Variants in SLC35F4 observed in about 807,000 individuals in gnomAD.
SLC35F4 encodes solute carrier family 35 member F4.
In SLC35F4, 24 loss-of-function variants were observed where a neutral mutation model predicts 44.2. The ratio of observed to expected loss-of-function variants is 0.54; its 90% CI spans 0.39 to 0.76. The LOEUF is 0.76. Among genes scored for constraint, SLC35F4 ranks in the 30% least tolerant of loss-of-function variants. The pLI is 0.00. For missense variants in SLC35F4, 562 were observed against 586.1 expected (o/e 0.96, Z 0.42); for synonymous variants, 238 against 223.6 (o/e 1.06, Z -0.57).
intron 1 of SLC35F4, among the ~76,000 whole-genome samples, chr14:57,872,125 C>T (rs1888307221): frequency 6.6e-6 from 1 of 152,174 alleles, no homozygotes; most frequent in South Asian, 2.1e-4. Flanking sequence ...CTCCAGAATA[C>T]ACGTTCAATA....
downstream of SLC35F4, among the ~76,000 whole-genome samples, chr14:57,972,402 T>C (rs559339473): frequency 1.4e-4 from 22 of 151,956 alleles, no homozygotes; most frequent in African/African-American, 5.1e-4. Flanking sequence ...GGACAAATAA[T>C]GTGACAGAAG....
At chr14:57,958,555 A>G (rs1030529356) in intron 1 of SLC35F4, among the ~76,000 whole-genome samples, 2 of 150,834 alleles carry the variant, frequency 1.3e-5, no homozygotes, top group African/African-American at 2.5e-5. Flanking sequence ...TAGGGGTTGA[A>G]AGTGTTCTAG....
chr14:57,693,988 C>G (rs1483656251), intron 1 of SLC35F4, among the ~76,000 whole-genome samples: 2 of 152,172 alleles, frequency 1.3e-5, no homozygotes, highest in Non-Finnish European at 2.9e-5. Flanking sequence ...CCCAGTTCAA[C>G]TCCTTCATTT....
chr14:57,786,284 G>A (rs778889265), intron 1 of SLC35F4, among the ~76,000 whole-genome samples: 1 of 152,086 alleles, frequency 6.6e-6, no homozygotes, highest in Non-Finnish European at 1.5e-5. Flanking sequence ...GAGTGTCTGA[G>A]CTCAGATATG....
intron 1 of SLC35F4, among the ~76,000 whole-genome samples, chr14:57,736,909 A>G (rs765912374): frequency 1.2e-4 from 18 of 152,164 alleles, no homozygotes; most frequent in Non-Finnish European, 2.2e-4. Context: ...ATTTGGTTTC[A>G]TAGCCATCAT....
chr14:57,853,062 T>C (rs910912232), intron 1 of SLC35F4, among the ~76,000 whole-genome samples: 1 of 152,204 alleles, frequency 6.6e-6, no homozygotes, highest in East Asian at 1.9e-4. Context: ...CCTCAATTAC[T>C]GTACATTGAA....
intron 1 of SLC35F4, among the ~76,000 whole-genome samples, chr14:57,931,294 T>A (rs969065520): frequency 2.6e-5 from 4 of 152,232 alleles, no homozygotes; most frequent in Non-Finnish European, 5.9e-5. Context: ...AATTTTCCAG[T>A]GCCTTTATCC....
chr14:57,839,913 C>T (rs1034212592), intron 1 of SLC35F4, among the ~76,000 whole-genome samples: 5 of 152,078 alleles, frequency 3.3e-5, no homozygotes, highest in Admixed American at 1.3e-4. Flanking sequence ...GTCCAAAACA[C>T]GCCCCAGACT....
At chr14:57,801,874 C>T (rs2140856842) in intron 1 of SLC35F4, among the ~76,000 whole-genome samples, 1 of 152,192 alleles carries the variant, frequency 6.6e-6, no homozygotes, top group Admixed American at 6.5e-5. Context: ...GACTCCCACG[C>T]AATAATAGTG....
At chr14:57,810,637 T>C (rs1881856758) in intron 1 of SLC35F4, among the ~76,000 whole-genome samples, 1 of 152,226 alleles carries the variant, frequency 6.6e-6, no homozygotes, top group African/African-American at 2.4e-5. Context: ...GCTCTCAAGA[T>C]TGTCCATAGT....
intron 1 of SLC35F4, among the ~76,000 whole-genome samples, chr14:57,778,984 G>T (rs961221433): frequency 2.6e-5 from 4 of 152,048 alleles, no homozygotes; most frequent in Admixed American, 2.0e-4. Context: ...TGTTAAGAGG[G>T]AAATTTATAG....
chr14:57,940,535 C>T (rs928132636), intron 1 of SLC35F4, among the ~76,000 whole-genome samples: 5 of 152,156 alleles, frequency 3.3e-5, no homozygotes, highest in Non-Finnish European at 5.9e-5. Flanking sequence ...TAGAGGTCCC[C>T]TAATGACCAG....
At chr14:57,785,305 C>G (rs1314977538) in intron 1 of SLC35F4, among the ~76,000 whole-genome samples, 1 of 152,182 alleles carries the variant, frequency 6.6e-6, no homozygotes, top group Non-Finnish European at 1.5e-5. Flanking sequence ...CCAAGGGCAA[C>G]AAACTTCTCT....
intron 1 of SLC35F4, among the ~76,000 whole-genome samples, chr14:57,655,599 T>C (rs1272293677): frequency 6.6e-6 from 1 of 152,104 alleles, no homozygotes; most frequent in East Asian, 1.9e-4. Flanking sequence ...AGCTTGTGCC[T>C]GTACCACCCA....
chr14:57,569,850 T>A lies in SLC35F4; in HGVS notation c.1064A>T (p.His355Leu), dbSNP rs374102650. 6.2e-7 allele frequency: 1 copy of A among 1,611,242 alleles called. No homozygotes were observed. The highest frequency in any genetic ancestry group is 8.5e-7 in the Non-Finnish European group (1 of 1,178,844). ...TGGCAGAGCAGCAAAAGAGGACCAG[T>A]GCTCCACCTTGGTGAAATACAAGAT... ...PVILYFTKVEHWSSFAALPWG... is the reference protein window; with the variant it reads ...PVILYFTKVELWSSFAALPWG... Residue 355 changes from histidine (H) to leucine (L), a missense_variant, in exon 6 of 8, where the codon CAC (histidine) becomes CTC (leucine). Coordinates refer to ENST00000556826, the MANE Select transcript of SLC35F4 (RefSeq NM_001306087.2).
chr14:57,739,714 A>G (rs553476091), intron 1 of SLC35F4, among the ~76,000 whole-genome samples: 2 of 152,310 alleles, frequency 1.3e-5, no homozygotes, highest in African/African-American at 2.4e-5. Context: ...AAACCTGCCC[A>G]TGCCATTTAT....
intron 1 of SLC35F4, among the ~76,000 whole-genome samples, chr14:57,770,832 T>C (rs997138862): frequency 1.3e-5 from 2 of 152,326 alleles, no homozygotes; most frequent in East Asian, 3.9e-4. Context: ...CAGTATAGGA[T>C]AGTACAATCT....
intron 1 of SLC35F4, among the ~76,000 whole-genome samples, chr14:57,889,400 C>G (rs902933642): frequency 6.6e-6 from 1 of 152,252 alleles, no homozygotes; most frequent in Non-Finnish European, 1.5e-5. Flanking sequence ...AGCTCCAAGC[C>G]ATGTGACCCA....
At chr14:57,893,702 C>A (rs1888818443) in intron 1 of SLC35F4, among the ~76,000 whole-genome samples, 1 of 152,122 alleles carries the variant, frequency 6.6e-6, no homozygotes, top group Non-Finnish European at 1.5e-5. Context: ...CAGAGGGGCA[C>A]CAAGCTTTAA....
Sources: gnomAD v4.1 joint callset for allele counts (sites outside exome capture counted in the v4.1 genomes callset) on GRCh38, gnomAD v4.1.1 for gene constraint, MANE v1.5 for transcripts, NCBI Gene and HGNC (gene_info 2026-07-23, HGNC 2026-07-21) for gene names.